The following SLC25A16 variants were observed in gnomAD, a reference collection of about 807,000 sequenced individuals.
The protein encoded by SLC25A16 is solute carrier family 25 member 16.
SLC25A16 carries 39 observed loss-of-function variants against 41.5 expected under a neutral mutation model. The observed-to-expected ratio is 0.94, with a 90% CI of 0.73 to 1.23. SLC25A16 has a LOEUF of 1.23. Ranked by LOEUF, SLC25A16 falls within the 50% of genes most tolerant of loss-of-function variation. The probability of loss-of-function intolerance (pLI) is 0.00; values close to 1 mark genes in which losing one functional copy is unlikely to be tolerated. For synonymous variants in SLC25A16, 146 were observed against 147.8 expected, an observed-to-expected ratio of 0.99 and a Z score of 0.09; for missense variants, 421 against 426.9, an observed-to-expected ratio of 0.99 and a Z score of 0.12.
At chr10:68,524,310 C>CAA (rs565308290) in intron 1 of SLC25A16, among the ~76,000 whole-genome samples, 2,820 of 44,032 alleles carry the variant, frequency 0.064, 88 homozygotes, top group African/African-American at 0.097. Context: ...AACTCCATCT[C>CAA]AAAAAAAAAA....
chr10:68,479,527 C>G lies in SLC25A16; in HGVS notation c.*3905G>C, dbSNP rs1418285841. The G allele has an allele frequency of 6.6e-6, 1 of 152,186 alleles. No homozygotes were observed. Among genetic ancestry groups the G allele is most frequent in the African/African-American group, 2.4e-5 (1 of 41,426 alleles). The allele number at this position is 152,186 out of a possible 1,614,324, so 9.4% of individuals were successfully genotyped here. On this transcript the variant is annotated 3_prime_UTR_variant, in exon 9 of 9. Transcript: ENST00000609923. ...ACCACGGTGAAGAATGGAATGAGGACAGGAGCACTGGCTCATGCCAGTAGT... is the reference window on the plus strand; with the variant it reads ...ACCACGGTGAAGAATGGAATGAGGAGAGGAGCACTGGCTCATGCCAGTAGT...
Position 68,481,625 on chromosome 10 carries a change from T to A in SLC25A16, c.*1807A>T, listed in dbSNP as rs1420875209. On this transcript the variant is annotated 3_prime_UTR_variant, in exon 9 of 9. Transcript: ENST00000609923. ...TCAACTTAGTTTTCTAATGTCTCCT[T>A]TTTTTTGAGATGGAGGCTCATTCTG... is the stretch of plus-strand genomic sequence containing the variant. 6.6e-6 allele frequency: 1 copy of A among 151,508 alleles called. No homozygotes were observed. The highest frequency in any genetic ancestry group is 1.5e-5 in the Non-Finnish European group (1 of 67,904). The allele number at this position is 151,508 out of a possible 1,614,324, so 9.4% of individuals were successfully genotyped here.
At chr10:68,486,661 A>G (rs181131542) in intron 8 of SLC25A16, among the ~76,000 whole-genome samples, 2 of 151,946 alleles carry the variant, frequency 1.3e-5, no homozygotes, top group Non-Finnish European at 2.9e-5. Context: ...GGCACGAGCT[A>G]TCGTGCCTGG....
chr10:68,514,173 C>T (rs10998242), intron 2 of SLC25A16, among the ~76,000 whole-genome samples: 12,714 of 151,948 alleles, frequency 0.084, 770 homozygotes, highest in South Asian at 0.24. Flanking sequence ...AGCCTCTGGG[C>T]GACAGAGCAA....
chr10:68,485,930 TGGGACTACAG>T (rs2052552987), intron 8 of SLC25A16, among the ~76,000 whole-genome samples: 1 of 151,140 alleles, frequency 6.6e-6, no homozygotes. Flanking sequence ...CCCGAGTAGC[TGGGACTACAG>T]GTGCCTGCCA....
intron 3 of SLC25A16, among the ~76,000 whole-genome samples, chr10:68,504,315 C>A (rs1361964969): frequency 1.3e-5 from 2 of 151,720 alleles, no homozygotes; most frequent in East Asian, 3.9e-4. Context: ...CCGCACCCAG[C>A]CTAATTTTTT....
chr10:68,492,278 C>G (rs1049410481), intron 6 of SLC25A16, among the ~76,000 whole-genome samples: 2 of 152,126 alleles, frequency 1.3e-5, no homozygotes, highest in Non-Finnish European at 2.9e-5. Context: ...TCAACCCTTC[C>G]TCTATATAAA....
At chr10:68,493,065 GAAA>G (rs11288507) in intron 6 of SLC25A16, 64 bp downstream of exon 6, 352 of 771,788 alleles carry the variant, frequency 4.6e-4, no homozygotes, top group African/African-American at 9.0e-4. Flanking sequence ...TACCATTTCA[GAAA>G]AAAAAAAAAA....
At position 68,493,456 on chromosome 10, in the gene SLC25A16, TA is replaced by T. The variant is rs1287443511; in HGVS notation, c.535del (p.Tyr179MetfsTer14). 2 of 1,613,070 alleles carry T rather than the reference TA, an allele frequency of 1.2e-6. No individual in the cohort carries two copies. Among genetic ancestry groups the T allele is most frequent in the Non-Finnish European group, 1.7e-6 (2 of 1,179,176 alleles). The part of the protein sequence containing the change: ...TGIIHAFKTI[Y>X]AKEGGFFGFY... The stretch of plus-strand genomic sequence containing the variant: ...AAGGTAAATATGAAATACCTTTGCA[TA>T]AATTGTTTTGAAAGCATGAATAATT... On this transcript the variant is annotated frameshift_variant, in exon 5 of 9. Coordinates refer to ENST00000609923, the MANE Select transcript of SLC25A16 (RefSeq NM_152707.4). LOFTEE classifies it high-confidence loss of function.
intron 3 of SLC25A16, among the ~76,000 whole-genome samples, chr10:68,505,838 G>A (rs1004239947): frequency 6.6e-6 from 1 of 152,116 alleles, no homozygotes; most frequent in African/African-American, 2.4e-5. Flanking sequence ...TTCAGGACCA[G>A]CCTGGCCAAG....
chr10:68,505,538 C>T (rs1329560162), intron 3 of SLC25A16, among the ~76,000 whole-genome samples: 1 of 147,300 alleles, frequency 6.8e-6, no homozygotes, highest in African/African-American at 2.6e-5. Context: ...ATTTGGGAGG[C>T]CAAGGTGGGC....
intron 1 of SLC25A16, among the ~76,000 whole-genome samples, chr10:68,526,095 C>G (rs373362537): frequency 0.039 from 5,867 of 151,112 alleles, 145 homozygotes; most frequent in South Asian, 0.08. Context: ...CGTAAAGGGT[C>G]TGTGCTGAGG....
At chr10:68,491,361 G>T (rs1202676350) in intron 6 of SLC25A16, among the ~76,000 whole-genome samples, 1 of 152,050 alleles carries the variant, frequency 6.6e-6, no homozygotes, top group Non-Finnish European at 1.5e-5. Flanking sequence ...AAGTAGCTGG[G>T]ATTACAGGCA....
chr10:68,517,254 ACTC>A (rs1341969257), intron 1 of SLC25A16: 7 of 987,248 alleles, frequency 7.1e-6, no homozygotes, highest in African/African-American at 5.2e-5. Context: ...TTTGAAGTAA[ACTC>A]CTCTTCTTCT....
chr10:68,526,270 C>T (rs1045132385), intron 1 of SLC25A16, among the ~76,000 whole-genome samples: 14 of 151,880 alleles, frequency 9.2e-5, no homozygotes, highest in African/African-American at 2.9e-4. Context: ...GTGGGACCTG[C>T]GGGCAGCAAT....
intron 2 of SLC25A16, among the ~76,000 whole-genome samples, chr10:68,507,960 G>T (rs2052985867): frequency 1.3e-5 from 2 of 152,218 alleles, no homozygotes; most frequent in Admixed American, 6.6e-5. Flanking sequence ...GCCTTGCGTG[G>T]TGGCTCATGC....
intron 8 of SLC25A16, 119 bp from the exon 9 acceptor site, chr10:68,483,707 G>A: frequency 1.3e-6 from 1 of 766,654 alleles, no homozygotes; most frequent in South Asian, 2.7e-5. Flanking sequence ...CCAGATGGGA[G>A]TGTGGATTGC....
intron 4 of SLC25A16, among the ~76,000 whole-genome samples, chr10:68,498,226 G>T (rs2052782794): frequency 6.6e-6 from 1 of 152,050 alleles, no homozygotes; most frequent in African/African-American, 2.4e-5. Flanking sequence ...TGGACTACCA[G>T]CTCAGAAGAG....
chr10:68,486,018 G>A (rs1262252921), intron 8 of SLC25A16, among the ~76,000 whole-genome samples: 1 of 150,720 alleles, frequency 6.6e-6, no homozygotes, highest in Non-Finnish European at 1.5e-5. Context: ...AGGAGTACCA[G>A]ACCAGCCTTG....
Sources: gnomAD v4.1 joint callset for allele counts (sites outside exome capture counted in the v4.1 genomes callset) on GRCh38, gnomAD v4.1.1 for gene constraint, MANE v1.5 for transcripts, NCBI Gene and HGNC (gene_info 2026-07-23, HGNC 2026-07-21) for gene names.